The following ANO5 variants were observed in gnomAD, a reference collection of about 807,000 sequenced individuals.
ANO5 encodes anoctamin-5.
Under a neutral mutation model 121.0 loss-of-function variants are expected in ANO5, and 109 were observed. The observed-to-expected ratio is 0.90, with a 90% CI of 0.77 to 1.06. ANO5 has a LOEUF of 1.06. ANO5 is among the 50% of genes least tolerant of loss of function. The pLI, the probability that ANO5 is intolerant of heterozygous loss-of-function variation, is 0.00. For missense variants in ANO5, 1,064 were observed against 1,078.5 expected, an observed-to-expected ratio of 0.99 and a Z score of 0.19; for synonymous variants, 406 against 359.9, an observed-to-expected ratio of 1.13 and a Z score of -1.45.
rs1855054009 is a variant in ANO5 at position 22,280,965 on chromosome 11, C to T, written c.*1200C>T. The stretch of plus-strand genomic sequence containing the variant: ...AACCAACTAAGAATGAGTTCATGGA[C>T]TTAATAATCTAAGGGGGAAAAAATG... On this transcript the variant is annotated 3_prime_UTR_variant, in exon 22 of 22. Transcript: ENST00000324559. 1 of 151,986 alleles carries T rather than the reference C, an allele frequency of 6.6e-6. No homozygotes were observed. The highest frequency in any genetic ancestry group is 3.4e-3 in the Middle Eastern group (1 of 294). 9.4% of individuals were successfully genotyped at this position (151,986 alleles called of 1,614,324 possible). A position where few individuals can be genotyped will look rare whatever the true frequency, so the allele number is the denominator to read the frequency against.
In ANO5 at chr11:22,226,380, T is replaced by C. The variant is rs142192446; in HGVS notation, c.363+328T>C. Among the ~76,000 whole-genome samples, 33 of 152,266 alleles carry C rather than the reference T, an allele frequency of 2.2e-4. 1 individual carries two copies. In the East Asian group the frequency reaches 5.2e-3, roughly 24 times the overall value. ...CCCTAAATAATTAACCAGGCTGTCT[T>C]GCAGCATAACCTGCTGTTTAAGCCA... On this transcript the variant is annotated intron_variant, in intron 6 of 21. Transcript: ENST00000324559.
At chr11:22,237,936 T>G (rs974976069) in intron 8 of ANO5, among the ~76,000 whole-genome samples, 2 of 152,196 alleles carry the variant, frequency 1.3e-5, no homozygotes, top group African/African-American at 4.8e-5. Flanking sequence ...CCTACACACA[T>G]TCTTCAGCAT....
At chr11:22,237,363 T>A (rs1025564371) in intron 8 of ANO5, among the ~76,000 whole-genome samples, 18 of 152,074 alleles carry the variant, frequency 1.2e-4, no homozygotes, top group Admixed American at 5.9e-4. Context: ...TGTGCTAGTT[T>A]TCCTCTGTTA....
intron 3 of ANO5, among the ~76,000 whole-genome samples, chr11:22,214,002 A>G (rs1186265350): frequency 6.6e-6 from 1 of 151,890 alleles, no homozygotes; most frequent in Non-Finnish European, 1.5e-5. Flanking sequence ...TCCTTGGCCC[A>G]AGTAATCCTC....
intron 7 of ANO5, among the ~76,000 whole-genome samples, chr11:22,233,384 C>T (rs1200799346): frequency 6.6e-6 from 1 of 151,860 alleles, no homozygotes; most frequent in African/African-American, 2.4e-5. Context: ...TCAAAATTTT[C>T]TGGAAAAACA....
intron 2 of ANO5, among the ~76,000 whole-genome samples, chr11:22,210,951 T>C (rs1852257662): frequency 6.6e-6 from 1 of 151,942 alleles, no homozygotes; most frequent in Non-Finnish European, 1.5e-5. Flanking sequence ...CCACTTCTTG[T>C]ATCTGATTTC....
At position 22,269,235 on chromosome 11, in the gene ANO5, AG is replaced by A. The variant is rs1443832059; in HGVS notation, c.1899-1075del. Among the ~76,000 whole-genome samples the A allele has an allele frequency of 1.9e-4, 21 of 113,100 alleles. 3 individuals carry two copies. The highest frequency in any genetic ancestry group is 4.3e-4 in the Admixed American group (5 of 11,508). 74.2% of individuals were successfully genotyped at this position (113,100 alleles called of 152,430 possible). ...GAAGAAGGAAAGAAGAAAGGAAGGA[AG>A]GAAGGAGAAAAAAAGAAAGAGAAGG... On this transcript the variant is annotated intron_variant, in intron 17 of 21. Coordinates refer to ENST00000324559, the MANE Select transcript of ANO5 (RefSeq NM_213599.3).
chr11:22,236,979 C>T (rs1853244965), intron 8 of ANO5, among the ~76,000 whole-genome samples: 1 of 152,108 alleles, frequency 6.6e-6, no homozygotes, highest in Admixed American at 6.5e-5. Flanking sequence ...GGCCTTGGAA[C>T]CAATACTCAG....
At chr11:22,207,541 A>G (rs964104179) in intron 2 of ANO5, among the ~76,000 whole-genome samples, 1 of 152,192 alleles carries the variant, frequency 6.6e-6, no homozygotes, top group African/African-American at 2.4e-5. Context: ...ATCATGGACT[A>G]AATGTAAAAT....
intron 7 of ANO5, among the ~76,000 whole-genome samples, chr11:22,229,182 C>T (rs894748920): frequency 6.6e-6 from 1 of 151,964 alleles, no homozygotes; most frequent in Non-Finnish European, 1.5e-5. Flanking sequence ...TACTCTCCAA[C>T]ACTTGTTATC....
At chr11:22,221,070 C>A in intron 4 of ANO5, 27 bp from the exon 5 acceptor site, 2 of 1,487,150 alleles carry the variant, frequency 1.3e-6, no homozygotes, top group East Asian at 2.3e-5. Flanking sequence ...CTATAATTTA[C>A]AATTGTGTCA....
chr11:22,216,963 A>T (rs1434367630), intron 3 of ANO5, among the ~76,000 whole-genome samples: 1 of 151,958 alleles, frequency 6.6e-6, no homozygotes, highest in East Asian at 1.9e-4. Context: ...CTCATGAAAG[A>T]TACCAAGAAA....
intron 12 of ANO5, among the ~76,000 whole-genome samples, chr11:22,252,021 C>T (rs949685372): frequency 4.4e-5 from 4 of 90,808 alleles, no homozygotes; most frequent in Admixed American, 1.8e-4. Flanking sequence ...CAGAGCAAGA[C>T]GCCGTCTCAA....
At chr11:22,225,038 T>C (rs1033308914) in intron 5 of ANO5, among the ~76,000 whole-genome samples, 2 of 151,966 alleles carry the variant, frequency 1.3e-5, no homozygotes, top group African/African-American at 4.8e-5. Context: ...GGAAAAACAA[T>C]ATAATGCATT....
At chr11:22,252,668 C>T (rs373887285) in intron 12 of ANO5, among the ~76,000 whole-genome samples, 2 of 151,970 alleles carry the variant, frequency 1.3e-5, no homozygotes, top group African/African-American at 4.8e-5. Context: ...AGTCAATGGA[C>T]ATTTTAATAT....
At chr11:22,278,350 G>T (rs1172893470) in intron 21 of ANO5, among the ~76,000 whole-genome samples, 1 of 151,552 alleles carries the variant, frequency 6.6e-6, no homozygotes, top group Non-Finnish European at 1.5e-5. Context: ...ATAAATTTTT[G>T]ATAATGTCTT....
upstream of ANO5, among the ~76,000 whole-genome samples, chr11:22,192,573 G>C (rs1305400907): frequency 1.3e-5 from 2 of 152,186 alleles, no homozygotes; most frequent in African/African-American, 4.8e-5. Context: ...TAAGGGAGAG[G>C]GACTTTTCCC....
intron 3 of ANO5, among the ~76,000 whole-genome samples, chr11:22,211,681 A>T (rs1852281364): frequency 6.6e-6 from 1 of 151,944 alleles, no homozygotes; most frequent in African/African-American, 2.4e-5. Context: ...TCTCCACTGC[A>T]TCACTCTTCT....
intron 13 of ANO5, among the ~76,000 whole-genome samples, chr11:22,257,316 C>G (rs1223677838): frequency 6.6e-6 from 1 of 152,100 alleles, no homozygotes; most frequent in Non-Finnish European, 1.5e-5. Flanking sequence ...TAATTCAATT[C>G]AATTAGAATA....
Sources: allele counts gnomAD v4.1 joint callset (sites outside exome capture counted in the v4.1 genomes callset), GRCh38; gene constraint gnomAD v4.1.1; transcripts MANE v1.5; gene names NCBI Gene and HGNC (gene_info 2026-07-23, HGNC 2026-07-21).